The following RARB variants were observed in gnomAD, a reference collection of about 807,000 sequenced individuals.
RARB encodes retinoic acid receptor beta, also known as HBV-activated protein.
Under a neutral mutation model 51.9 loss-of-function variants are expected in RARB, and 17 were observed. The observed-to-expected ratio is 0.33, with a 90% CI of 0.22 to 0.49. The LOEUF (loss-of-function observed/expected upper bound fraction) is 0.49. RARB is among the 20% of genes least tolerant of loss of function. The pLI is 0.99. For missense variants in RARB, 369 were observed against 550.8 expected (o/e 0.67, Z 3.30); for synonymous variants, 215 against 195.4 (o/e 1.10, Z -0.84).
At chr3:25,200,315 T>G (rs988991413) in intron 5 of RARB, among the ~76,000 whole-genome samples, 6 of 151,662 alleles carry the variant, frequency 4.0e-5, no homozygotes, top group African/African-American at 1.5e-4. Context: ...TAAATTTGTT[T>G]GAGTTCTCTG....
upstream of RARB, among the ~76,000 whole-genome samples, chr3:25,424,416 CT>C (rs1707934426): frequency 6.6e-6 from 1 of 152,208 alleles, no homozygotes; most frequent in African/African-American, 2.4e-5. Context: ...TATGGAAGCC[CT>C]GGGAAGAGCC....
chr3:25,569,866 A>G lies in RARB; in HGVS notation c.557A>G (p.Lys186Arg), dbSNP rs1700641300. 1 of 1,614,132 alleles carries G rather than the reference A, an allele frequency of 6.2e-7. No individual in the cohort carries two copies. Among genetic ancestry groups the G allele is most frequent in the African/African-American group, 1.3e-5 (1 of 74,954 alleles). Residue 186 changes from lysine (K) to arginine (R), a missense_variant, in exon 4 of 8, where the codon AAA becomes AGA. Coordinates refer to ENST00000330688, the MANE Select transcript of RARB (RefSeq NM_000965.5). The stretch of plus-strand genomic sequence containing the variant: ...GACGATCTCACAGAGAAGATCCGAA[A>G]AGCTCACCAGGAAACTTTCCCTTCA... Reference protein sequence around the residue: ...ELDDLTEKIRKAHQETFPSLC... With the variant: ...ELDDLTEKIRRAHQETFPSLC...
intron 5 of RARB, among the ~76,000 whole-genome samples, chr3:25,326,433 T>A (rs1168681262): frequency 1.3e-5 from 2 of 152,206 alleles, no homozygotes; most frequent in Non-Finnish European, 2.9e-5. Flanking sequence ...ATGTCCCCAG[T>A]TGTTTATTAA....
At chr3:25,174,269 T>G in exon 5 of RARB, 1 of 705,404 alleles carries the variant, frequency 1.4e-6, no homozygotes, top group Admixed American at 2.5e-5. Context: ...AGTTGAACCA[T>G]CTTGACTTTG....
At chr3:25,261,090 C>T (rs1405227507) in intron 5 of RARB, among the ~76,000 whole-genome samples, 1 of 152,072 alleles carries the variant, frequency 6.6e-6, no homozygotes, top group Non-Finnish European at 1.5e-5. Flanking sequence ...CCTTTAAAAA[C>T]ACTGGGTTTC....
intron 5 of RARB, among the ~76,000 whole-genome samples, chr3:25,351,634 G>A (rs555355319): frequency 3.3e-5 from 5 of 152,066 alleles, no homozygotes; most frequent in Non-Finnish European, 5.9e-5. Flanking sequence ...ACACTTGGGC[G>A]TTTTCAAAAG....
At chr3:24,933,685 TA>T (rs1273466913) in intron 2 of RARB, among the ~76,000 whole-genome samples, 2 of 152,118 alleles carry the variant, frequency 1.3e-5, no homozygotes, top group East Asian at 3.9e-4. Context: ...CCAGCAACCT[TA>T]TTCTTCATAA....
chr3:25,470,589 A>G (rs891202581), intron 2 of RARB, among the ~76,000 whole-genome samples: 2 of 152,222 alleles, frequency 1.3e-5, no homozygotes. Flanking sequence ...AATTGCCTAT[A>G]TAGAGTTACA....
At chr3:25,350,558 C>T (rs1265651151) in intron 5 of RARB, among the ~76,000 whole-genome samples, 1 of 152,198 alleles carries the variant, frequency 6.6e-6, no homozygotes, top group Non-Finnish European at 1.5e-5. Flanking sequence ...GCACTCACCA[C>T]TGCCTAATGC....
At chr3:25,300,195 A>G (rs1361771030) in intron 5 of RARB, among the ~76,000 whole-genome samples, 1 of 152,238 alleles carries the variant, frequency 6.6e-6, no homozygotes, top group Non-Finnish European at 1.5e-5. Flanking sequence ...CTTATATGAC[A>G]AAACATGACA....
chr3:25,001,971 G>A (rs539162923), intron 2 of RARB, among the ~76,000 whole-genome samples: 6 of 152,050 alleles, frequency 3.9e-5, no homozygotes, highest in East Asian at 3.9e-4. Flanking sequence ...GGGTTTCACC[G>A]TGTTGCCCAG....
intron 2 of RARB, among the ~76,000 whole-genome samples, chr3:24,913,534 C>T (rs1269071048): frequency 2.0e-5 from 3 of 150,036 alleles, no homozygotes; most frequent in Non-Finnish European, 2.9e-5. Context: ...TAACTTATTT[C>T]TGTAACAGTA....
intron 4 of RARB, among the ~76,000 whole-genome samples, chr3:25,142,500 A>T (rs1183505914): frequency 6.6e-6 from 1 of 152,180 alleles, no homozygotes; most frequent in Non-Finnish European, 1.5e-5. Context: ...TTGATCTTTC[A>T]TAATAATACT....
intron 4 of RARB, among the ~76,000 whole-genome samples, chr3:25,571,340 A>C (rs968560239): frequency 6.6e-6 from 1 of 152,216 alleles, no homozygotes; most frequent in Non-Finnish European, 1.5e-5. Flanking sequence ...ATTTCTAACA[A>C]GCTGCCAGGC....
At chr3:25,073,532 A>G (rs1158737844) in intron 3 of RARB, among the ~76,000 whole-genome samples, 1 of 152,220 alleles carries the variant, frequency 6.6e-6, no homozygotes, top group African/African-American at 2.4e-5. Context: ...GTTTCTCAGA[A>G]CCTTAAATGT....
intron 4 of RARB, among the ~76,000 whole-genome samples, chr3:25,159,224 C>T (rs1302145147): frequency 7.2e-5 from 9 of 125,754 alleles, no homozygotes; most frequent in East Asian, 2.4e-4. Context: ...AGTGCAATGG[C>T]GCGATCTCGG....
At chr3:24,999,747 G>A (rs954257204) in intron 2 of RARB, among the ~76,000 whole-genome samples, 2 of 152,102 alleles carry the variant, frequency 1.3e-5, no homozygotes, top group African/African-American at 4.8e-5. Flanking sequence ...AGACCTCTAA[G>A]GGGTAGATTG....
At chr3:25,136,339 A>G (rs1700031577) in intron 4 of RARB, among the ~76,000 whole-genome samples, 1 of 152,050 alleles carries the variant, frequency 6.6e-6, no homozygotes, top group Admixed American at 6.6e-5. Flanking sequence ...TTATACTTGT[A>G]TATTAAAAAA....
Position 25,568,041 on chromosome 3 carries a change from C to T in RARB, c.449-1717C>T, listed in dbSNP as rs111482834. Among the ~76,000 whole-genome samples the T allele has an allele frequency of 2.7e-3, 417 of 152,252 alleles. 6 individuals are homozygous for T. Among genetic ancestry groups the T allele is most frequent in the African/African-American group, 8.9e-3 (368 of 41,550 alleles). On this transcript the variant is annotated intron_variant, in intron 3 of 7. Coordinates refer to ENST00000330688, the MANE Select transcript of RARB (RefSeq NM_000965.5). The stretch of plus-strand genomic sequence containing the variant: ...CCCACTCTCACCCAGCGTCCTGCGC[C>T]GGCTGGGAGGGATCGGGTCACAGAG...
Sources: allele counts gnomAD v4.1 joint callset (sites outside exome capture counted in the v4.1 genomes callset), GRCh38; gene constraint gnomAD v4.1.1; transcripts MANE v1.5; gene names NCBI Gene and HGNC (gene_info 2026-07-23, HGNC 2026-07-21).